PRKG1: variants seen among roughly 807,000 people sequenced by gnomAD.
PRKG1 encodes cGMP-dependent protein kinase 1.
A neutral mutation model predicts 88.1 loss-of-function variants in PRKG1; 35 were observed. The observed-to-expected ratio is 0.40, with a 90% CI of 0.30 to 0.53. The LOEUF is 0.53. PRKG1 is among the 20% of genes least tolerant of loss of function. The probability of loss-of-function intolerance (pLI) is 0.59; values close to 1 mark genes in which losing one functional copy is unlikely to be tolerated. For missense variants in PRKG1, 540 were observed against 839.8 expected (o/e 0.64, Z 4.41); for synonymous variants, 303 against 292.5 (o/e 1.04, Z -0.37).
intron 3 of PRKG1, among the ~76,000 whole-genome samples, chr10:51,744,692 T>G (rs575497119): frequency 6.1e-4 from 93 of 152,364 alleles, no homozygotes; most frequent in African/African-American, 2.1e-3. Flanking sequence ...CTTTTAAGGC[T>G]GCTGCTTACT....
chr10:51,550,821 C>A (rs1837110611), intron 3 of PRKG1, among the ~76,000 whole-genome samples: 1 of 151,728 alleles, frequency 6.6e-6, no homozygotes, highest in Non-Finnish European at 1.5e-5. Context: ...AAACATGAAA[C>A]CAAAATTGAT....
At chr10:51,574,600 C>T (rs557066773) in intron 3 of PRKG1, among the ~76,000 whole-genome samples, 4 of 152,010 alleles carry the variant, frequency 2.6e-5, no homozygotes, top group Non-Finnish European at 5.9e-5. Context: ...TACCTCTTTT[C>T]GCAGTGTTAC....
intron 1 of PRKG1, among the ~76,000 whole-genome samples, chr10:51,143,547 A>T (rs576496177): frequency 3.9e-5 from 6 of 152,198 alleles, no homozygotes; most frequent in Admixed American, 1.3e-4. Context: ...AGGAATCTTC[A>T]TACTATTTTC....
intron 9 of PRKG1, among the ~76,000 whole-genome samples, chr10:52,228,285 GAA>G (rs71947602): frequency 7.5e-6 from 1 of 134,138 alleles, no homozygotes; most frequent in Admixed American, 7.4e-5. Flanking sequence ...GAAGTAAAAA[GAA>G]AAAAAAAAAA....
chr10:51,731,052 A>G (rs777015896), intron 3 of PRKG1, among the ~76,000 whole-genome samples: 2 of 152,124 alleles, frequency 1.3e-5, no homozygotes, highest in Non-Finnish European at 1.5e-5. Flanking sequence ...GCTACTCGGG[A>G]GGCTGAGGCA....
chr10:51,501,785 A>G (rs1841030955), intron 3 of PRKG1, among the ~76,000 whole-genome samples: 2 of 124,578 alleles, frequency 1.6e-5, no homozygotes, highest in Non-Finnish European at 3.3e-5. Flanking sequence ...ACCCAACTTT[A>G]GTTTCTTTTT....
At chr10:51,243,455 T>A (rs536655696) in intron 2 of PRKG1, among the ~76,000 whole-genome samples, 97 of 152,274 alleles carry the variant, frequency 6.4e-4, no homozygotes, top group African/African-American at 2.3e-3. Flanking sequence ...CTGGCGGACC[T>A]TATGTTTTTC....
rs943516713 is a variant in PRKG1 at position 51,212,399 on chromosome 10, A to G, written c.478+59069A>G. Among the ~76,000 whole-genome samples the G allele has an allele frequency of 1.7e-3, 266 of 152,270 alleles. 1 individual carries two copies. The highest frequency in any genetic ancestry group is 6.0e-3 in the African/African-American group (251 of 41,564). On this transcript the variant is annotated intron_variant, in intron 2 of 17. Transcript: ENST00000373980. ...CTTAGGCAATACCATTCAGGACATA[A>G]GCATGGGCAAGGACTTCATATCTAA...
intron 2 of PRKG1, among the ~76,000 whole-genome samples, chr10:51,448,496 T>C (rs920606466): frequency 2.0e-5 from 3 of 152,076 alleles, no homozygotes; most frequent in African/African-American, 7.2e-5. Flanking sequence ...AGGTTATTTC[T>C]GAGGATTGTG....
chr10:51,096,423 G>A (rs540028512), intron 1 of PRKG1, among the ~76,000 whole-genome samples: 1 of 152,326 alleles, frequency 6.6e-6, no homozygotes, highest in South Asian at 2.1e-4. Context: ...TGGATAGTTA[G>A]TAGACCATGG....
Position 51,139,067 on chromosome 10 carries a change from T to C in PRKG1, c.312-14097T>C, listed in dbSNP as rs528987836. Among the ~76,000 whole-genome samples, 51 of 152,280 alleles carry C rather than the reference T, an allele frequency of 3.3e-4. 1 individual carries two copies. The highest frequency in any genetic ancestry group is 2.7e-3 in the South Asian group (13 of 4,832). ...TAGACTTTAGTATTTATCTACTTAG[T>C]GTGGTATGTGTGTGTTTGTGTATAG... On this transcript the variant is annotated intron_variant, in intron 1 of 17. Transcript: ENST00000373980.
At chr10:51,436,669 G>T (rs1838941320) in intron 2 of PRKG1, among the ~76,000 whole-genome samples, 1 of 151,964 alleles carries the variant, frequency 6.6e-6, no homozygotes, top group Admixed American at 6.6e-5. Context: ...TCACATTCTG[G>T]ATATGAACAC....
chr10:52,185,831 G>A (rs566281639), intron 9 of PRKG1, among the ~76,000 whole-genome samples: 46 of 152,320 alleles, frequency 3.0e-4, no homozygotes, highest in African/African-American at 1.0e-3. Flanking sequence ...AACTTGAGCA[G>A]GATCTGGAGG....
At position 51,587,829 on chromosome 10, in the gene PRKG1, T is replaced by C. The variant is rs554616648; in HGVS notation, c.592+119993T>C. Among the ~76,000 whole-genome samples, 3 of 152,272 alleles carry C rather than the reference T, an allele frequency of 2.0e-5. No individual in the cohort carries two copies. The East Asian group carries it at 5.8e-4, about 29-fold the overall frequency. ...CATCTGAAAATGGGAATAATAAATA[T>C]CTACTTCAGAGAATGATGTTTTGGG... is the stretch of plus-strand genomic sequence containing the variant. On this transcript the variant is annotated intron_variant, in intron 3 of 17. Transcript: ENST00000373980.
At chr10:52,189,367 C>T (rs1417046819) in intron 9 of PRKG1, among the ~76,000 whole-genome samples, 2 of 152,148 alleles carry the variant, frequency 1.3e-5, no homozygotes, top group East Asian at 3.9e-4. Context: ...CTCATTCATC[C>T]CAGACCAGGG....
At chr10:51,425,568 C>G (rs982919353) in intron 2 of PRKG1, among the ~76,000 whole-genome samples, 1 of 152,148 alleles carries the variant, frequency 6.6e-6, no homozygotes, top group Admixed American at 6.5e-5. Context: ...GCCTCCACCC[C>G]TTTCGGAAGC....
intron 3 of PRKG1, among the ~76,000 whole-genome samples, chr10:51,572,975 G>A (rs1837795265): frequency 6.6e-6 from 1 of 151,766 alleles, no homozygotes; most frequent in South Asian, 2.1e-4. Flanking sequence ...TGTCAGACTC[G>A]AGAATTGTTA....
intron 2 of PRKG1, among the ~76,000 whole-genome samples, chr10:51,169,706 G>A (rs890765566): frequency 1.5e-5 from 2 of 136,682 alleles, no homozygotes; most frequent in Admixed American, 7.0e-5. Context: ...CTAGGTTTTG[G>A]AACTTGGCAG....
intron 1 of PRKG1, among the ~76,000 whole-genome samples, chr10:51,111,064 G>A (rs1844969112): frequency 6.6e-6 from 1 of 152,050 alleles, no homozygotes; most frequent in African/African-American, 2.4e-5. Context: ...GGTTCTTTGG[G>A]GGAATCCTGA....
Sources: allele counts gnomAD v4.1 joint callset (sites outside exome capture counted in the v4.1 genomes callset), GRCh38; gene constraint gnomAD v4.1.1; transcripts MANE v1.5; gene names NCBI Gene and HGNC (gene_info 2026-07-23, HGNC 2026-07-21).